Variants in TAF3 observed in about 807,000 individuals in gnomAD.
The protein encoded by TAF3 is TATA-box binding protein associated factor 3.
A neutral mutation model predicts 80.6 loss-of-function variants in TAF3; 7 were observed. The observed-to-expected ratio is 0.09, with a 90% CI of 0.05 to 0.16. The LOEUF is 0.16. TAF3 is among the 10% of genes least tolerant of loss of function. The probability of loss-of-function intolerance (pLI) is 1.00; values close to 1 mark genes in which losing one functional copy is unlikely to be tolerated. For synonymous variants in TAF3, 444 were observed against 446.1 expected, an observed-to-expected ratio of 1.00 and a Z score of 0.06; for missense variants, 921 against 1,140.2, an observed-to-expected ratio of 0.81 and a Z score of 2.77.
intron 1 of TAF3, among the ~76,000 whole-genome samples, chr10:7,822,171 G>T (rs760258793): frequency 1.9e-4 from 29 of 151,714 alleles, no homozygotes; most frequent in Non-Finnish European, 2.1e-4. Flanking sequence ...ATTGAAGTGG[G>T]CAGAACTTGA....
intron 1 of TAF3, 114 bp downstream of exon 1, chr10:7,818,989 C>G: frequency 1.8e-6 from 2 of 1,099,044 alleles, no homozygotes; most frequent in Non-Finnish European, 2.4e-6. Context: ...GCCTCGAGAT[C>G]TGCTGTTTCC....
chr10:7,851,937 G>A (rs12570800), intron 2 of TAF3, among the ~76,000 whole-genome samples: 26,637 of 151,418 alleles, frequency 0.18, 2,768 homozygotes, highest in East Asian at 0.52. Context: ...GAGCCACCAT[G>A]CCTGGCTTTT....
intron 2 of TAF3, among the ~76,000 whole-genome samples, chr10:7,910,625 C>T (rs1005766241): frequency 5.3e-5 from 8 of 152,184 alleles, no homozygotes; most frequent in Admixed American, 1.3e-4. Context: ...AAATGATCCA[C>T]CCACCTCGGC....
At chr10:7,885,733 G>A (rs1837403509) in intron 2 of TAF3, among the ~76,000 whole-genome samples, 1 of 152,072 alleles carries the variant, frequency 6.6e-6, no homozygotes, top group African/African-American at 2.4e-5. Flanking sequence ...TCCTTACAGG[G>A]ATAAACACAC....
At chr10:7,959,930 G>T (rs1787346026) in intron 2 of TAF3, among the ~76,000 whole-genome samples, 1 of 152,168 alleles carries the variant, frequency 6.6e-6, no homozygotes, top group Admixed American at 6.5e-5. Context: ...CCTTTCTAGG[G>T]AATGCTTGGA....
intron 3 of TAF3, among the ~76,000 whole-genome samples, chr10:7,975,658 C>G (rs1307925715): frequency 3.9e-5 from 6 of 152,128 alleles, no homozygotes; most frequent in Non-Finnish European, 7.3e-5. Context: ...ATGCAGGCAT[C>G]ATGCAAGGGA....
intron 2 of TAF3, among the ~76,000 whole-genome samples, chr10:7,851,802 C>G (rs899501676): frequency 2.0e-5 from 3 of 152,214 alleles, no homozygotes; most frequent in East Asian, 1.9e-4. Flanking sequence ...CTTTTGTTTT[C>G]AAGACAGGGT....
chr10:7,994,640 G>A (rs1044497823), intron 4 of TAF3, among the ~76,000 whole-genome samples: 7 of 151,930 alleles, frequency 4.6e-5, no homozygotes, highest in African/African-American at 1.2e-4. Flanking sequence ...GAACCACTGC[G>A]CCCAGCCACA....
chr10:7,828,045 A>G (rs1466317292), intron 2 of TAF3, among the ~76,000 whole-genome samples: 1 of 152,192 alleles, frequency 6.6e-6, no homozygotes, highest in African/African-American at 2.4e-5. Flanking sequence ...ATTGAAATAC[A>G]ATATACATTA....
intron 1 of TAF3, among the ~76,000 whole-genome samples, chr10:7,819,527 G>A (rs1024667035): frequency 6.6e-6 from 1 of 152,208 alleles, no homozygotes; most frequent in African/African-American, 2.4e-5. Flanking sequence ...AGGATAGAGG[G>A]ACCGTGGGCA....
intron 4 of TAF3, among the ~76,000 whole-genome samples, chr10:7,992,189 A>G (rs1468444767): frequency 6.6e-6 from 1 of 152,228 alleles, no homozygotes; most frequent in Non-Finnish European, 1.5e-5. Flanking sequence ...GCTGCAGAGC[A>G]GCAAAAGCCT....
At chr10:7,914,121 T>G (rs143993361) in intron 2 of TAF3, among the ~76,000 whole-genome samples, 236 of 152,362 alleles carry the variant, frequency 1.5e-3, no homozygotes, top group African/African-American at 5.3e-3. Flanking sequence ...TGAGGAAATT[T>G]GTATATAGAC....
chr10:7,918,187 C>A (rs1837729954), intron 2 of TAF3, among the ~76,000 whole-genome samples: 1 of 152,004 alleles, frequency 6.6e-6, no homozygotes, highest in South Asian at 2.1e-4. Context: ...AAACAAGAAA[C>A]AGTTAAGGAC....
intron 2 of TAF3, among the ~76,000 whole-genome samples, chr10:7,850,125 A>T (rs562429854): frequency 2.0e-5 from 3 of 152,324 alleles, no homozygotes; most frequent in Admixed American, 1.3e-4. Flanking sequence ...GCCAGGGTAA[A>T]TTGCATAGCC....
intron 2 of TAF3, among the ~76,000 whole-genome samples, chr10:7,881,251 A>AT (rs1486554754): frequency 6.6e-6 from 1 of 151,026 alleles, no homozygotes; most frequent in Non-Finnish European, 1.5e-5. Flanking sequence ...AAAAAAAAAA[A>AT]CAAAAAAAAA....
chr10:7,845,801 T>C (rs7906959), intron 2 of TAF3, among the ~76,000 whole-genome samples: 26,070 of 152,140 alleles, frequency 0.17, 2,269 homozygotes, highest in Admixed American at 0.23. Context: ...TTTTAACTTA[T>C]GTGAATAGCA....
intron 2 of TAF3, among the ~76,000 whole-genome samples, chr10:7,833,192 A>G (rs2131106549): frequency 6.6e-6 from 1 of 152,270 alleles, no homozygotes; most frequent in South Asian, 2.1e-4. Flanking sequence ...TCTTCCACAT[A>G]ATCTTTTCAA....
At chr10:7,847,392 A>T (rs1836982367) in intron 2 of TAF3, among the ~76,000 whole-genome samples, 1 of 152,228 alleles carries the variant, frequency 6.6e-6, no homozygotes, top group South Asian at 2.1e-4. Context: ...AGAGTTTAAA[A>T]ATATTTTATG....
intron 3 of TAF3, among the ~76,000 whole-genome samples, chr10:7,971,948 A>G (rs892417384): frequency 6.6e-6 from 1 of 152,236 alleles, no homozygotes; most frequent in Non-Finnish European, 1.5e-5. Context: ...ATGTATTTTT[A>G]GTTACCTACA....
Sources: gnomAD v4.1 joint callset for allele counts (sites outside exome capture counted in the v4.1 genomes callset) on GRCh38, gnomAD v4.1.1 for gene constraint, MANE v1.5 for transcripts, NCBI Gene and HGNC (gene_info 2026-07-23, HGNC 2026-07-21) for gene names.